The following SENP1 variants were observed in gnomAD, a reference collection of about 807,000 sequenced individuals.
SENP1 encodes sentrin-specific protease 1.
SENP1 carries 21 observed loss-of-function variants against 93.0 expected under a neutral mutation model. The ratio of observed to expected loss-of-function variants is 0.23; its 90% CI spans 0.16 to 0.33. The LOEUF (loss-of-function observed/expected upper bound fraction) is 0.33. SENP1 is among the 10% of genes least tolerant of loss of function. The pLI is 1.00. For synonymous variants in SENP1, 256 were observed against 259.6 expected, an observed-to-expected ratio of 0.99 and a Z score of 0.13; for missense variants, 591 against 758.7, an observed-to-expected ratio of 0.78 and a Z score of 2.60.
intron 4 of SENP1, among the ~76,000 whole-genome samples, chr12:48,094,783 T>C (rs1400774829): frequency 6.6e-6 from 1 of 152,180 alleles, no homozygotes; most frequent in Non-Finnish European, 1.5e-5. Context: ...AACTTTATTA[T>C]TAAGTAATTG....
chr12:48,044,309 A>G lies in SENP1; in HGVS notation c.*1013T>C, dbSNP rs564377885. 1 of 150,826 alleles carries G rather than the reference A, an allele frequency of 6.6e-6. No individual in the cohort carries two copies. The highest frequency in any genetic ancestry group is 2.4e-5 in the African/African-American group (1 of 41,032). The allele number at this position is 150,826 out of a possible 1,614,324, so 9.3% of individuals were successfully genotyped here. Reference sequence around the variant, plus strand: ...AATCTACAGGCTAAATGGTGAACACATTCAGTCTTTAAAAAAAAAAGCATA... The same window carrying G: ...AATCTACAGGCTAAATGGTGAACACGTTCAGTCTTTAAAAAAAAAAGCATA... On this transcript the variant is annotated 3_prime_UTR_variant, in exon 18 of 18. Coordinates refer to ENST00000549518, the MANE Select transcript of SENP1 (RefSeq NM_001267594.2).
chr12:48,089,327 A>T (rs1278998131), intron 4 of SENP1: 1 of 1,346,298 alleles, frequency 7.4e-7, no homozygotes, highest in Non-Finnish European at 9.8e-7. Context: ...GTAAGAAAGC[A>T]GGTGGGGGGC....
At chr12:48,072,362 A>G (rs1050249863) in intron 8 of SENP1, among the ~76,000 whole-genome samples, 2 of 152,194 alleles carry the variant, frequency 1.3e-5, no homozygotes, top group Non-Finnish European at 2.9e-5. Context: ...CCCAAAAGGC[A>G]AAAGTAATGA....
chr12:48,066,637 A>C (rs1231192681), intron 10 of SENP1, among the ~76,000 whole-genome samples: 2 of 151,316 alleles, frequency 1.3e-5, no homozygotes, highest in African/African-American at 4.9e-5. Flanking sequence ...TCAGCCTTCC[A>C]AGTAGCTAGG....
At chr12:48,064,922 C>G (rs1943193338) in intron 12 of SENP1, 143 bp downstream of exon 12, 1 of 594,700 alleles carries the variant, frequency 1.7e-6, no homozygotes, top group Admixed American at 3.0e-5. Flanking sequence ...AGTGATCCAC[C>G]CGCTTCAGTC....
At chr12:48,081,190 C>T (rs555011271) in intron 6 of SENP1, 1 of 152,318 alleles carries the variant, frequency 6.6e-6, no homozygotes, top group East Asian at 1.9e-4. Flanking sequence ...AGTCTCTCTG[C>T]ACCCCTTAGG....
rs147308100 is a variant in SENP1 at position 48,105,537 on chromosome 12, G to C, written c.-45+491C>G. The C allele has an allele frequency of 9.4e-5, 48 of 511,710 alleles. No individual in the cohort carries two copies. In the East Asian group the frequency reaches 2.2e-3, roughly 23 times the overall value. The allele number at this position is 511,710 out of a possible 1,614,324, so 31.7% of individuals were successfully genotyped here. A position where few individuals can be genotyped will look rare whatever the true frequency, so the allele number is the denominator to read the frequency against. On this transcript the variant is annotated intron_variant, in intron 1 of 17. Coordinates refer to ENST00000549518, the MANE Select transcript of SENP1 (RefSeq NM_001267594.2). ...CTCAGGGAGATACCACAGAGTAGGA[G>C]AGTTGGAGAAATGTTTACGTGAGAC...
intron 12 of SENP1, 83 bp from the exon 13 acceptor site, chr12:48,063,924 C>G: frequency 1.6e-6 from 2 of 1,239,320 alleles, no homozygotes; most frequent in Non-Finnish European, 2.3e-6. Flanking sequence ...ATATAATCCT[C>G]AGACTATATT....
intron 6 of SENP1, among the ~76,000 whole-genome samples, chr12:48,079,798 A>G (rs1944384898): frequency 6.6e-6 from 1 of 152,202 alleles, no homozygotes; most frequent in Non-Finnish European, 1.5e-5. Flanking sequence ...TTTTTTATAA[A>G]TTACCACCAA....
Position 48,045,193 on chromosome 12 carries a change from A to G in SENP1, c.*129T>C. 1.4e-6 allele frequency: 1 copy of G among 706,310 alleles called. No homozygotes were observed. The highest frequency in any genetic ancestry group is 2.3e-5 in the Admixed American group (1 of 43,330). The allele number at this position is 706,310 out of a possible 1,614,324, so 43.8% of individuals were successfully genotyped here. ...GATGTGCTTGTGAATGCATCTCGCC[A>G]GGGCCTGGTCCAGGATCAAGGGTGT... On this transcript the variant is annotated 3_prime_UTR_variant, in exon 18 of 18. Coordinates refer to ENST00000549518, the MANE Select transcript of SENP1 (RefSeq NM_001267594.2).
At position 48,098,234 on chromosome 12, in the gene SENP1, T is replaced by C. The variant is rs1209872157; in HGVS notation, c.5-110A>G. 4.6e-6 allele frequency: 5 copies of C among 1,098,174 alleles called. No homozygotes were observed. The Admixed American group carries it at 1.2e-4, about 27-fold the overall frequency. 68.0% of individuals were successfully genotyped at this position (1,098,174 alleles called of 1,614,324 possible). On this transcript the variant is annotated intron_variant, in intron 2 of 17. Transcript: ENST00000549518. ...ACAATTCCCACCCAGGCATGGTGTCTCATGCCTGTAATCCCAGCACTCTGA... is the reference window on the plus strand; with the variant it reads ...ACAATTCCCACCCAGGCATGGTGTCCCATGCCTGTAATCCCAGCACTCTGA...
intron 1 of SENP1, among the ~76,000 whole-genome samples, chr12:48,104,220 G>GAA (rs772256640): frequency 0.042 from 4,281 of 100,880 alleles, 174 homozygotes; most frequent in African/African-American, 0.076. Flanking sequence ...AAAAAAAGAA[G>GAA]AAAAAAATAT....
At chr12:48,083,796 GATA>G in intron 5 of SENP1, 34 bp from the exon 6 acceptor site, 1 of 1,464,284 alleles carries the variant, frequency 6.8e-7, no homozygotes, top group Non-Finnish European at 9.3e-7. Flanking sequence ...GATAAGAACA[GATA>G]ATAAGTAAAA....
At chr12:48,083,543 A>G in intron 6 of SENP1, 48 bp downstream of exon 6, 1 of 1,502,220 alleles carries the variant, frequency 6.7e-7, no homozygotes, top group Non-Finnish European at 9.2e-7. Context: ...GGCTCAATGT[A>G]GGGAAAGATC....
chr12:48,069,496 G>A (rs1033148466), intron 9 of SENP1, among the ~76,000 whole-genome samples: 5 of 152,126 alleles, frequency 3.3e-5, no homozygotes, highest in African/African-American at 7.2e-5. Flanking sequence ...GAAATCCTCC[G>A]TAAAGGAAAG....
chr12:48,101,550 T>A lies in SENP1; in HGVS notation c.-44-34A>T, dbSNP rs775775288. The stretch of plus-strand genomic sequence containing the variant: ...GAAGACACAAAACAGAAAAATTACA[T>A]ACTGAAACACCTACTTCACTTAATT... On this transcript the variant is annotated intron_variant, in intron 1 of 17. Coordinates refer to ENST00000549518, the MANE Select transcript of SENP1 (RefSeq NM_001267594.2). 1.3e-4 allele frequency: 150 copies of A among 1,111,498 alleles called. 1 individual carries two copies. The highest frequency in any genetic ancestry group is 1.7e-4 in the Non-Finnish European group (127 of 744,266). The allele number at this position is 1,111,498 out of a possible 1,614,324, so 68.9% of individuals were successfully genotyped here.
intron 1 of SENP1, among the ~76,000 whole-genome samples, chr12:48,103,399 C>T (rs1946087773): frequency 6.6e-6 from 1 of 152,196 alleles, no homozygotes; most frequent in Non-Finnish European, 1.5e-5. Context: ...TTAACACAAC[C>T]TCAAAGATTA....
At chr12:48,076,219 T>C (rs1345184100) in intron 6 of SENP1, among the ~76,000 whole-genome samples, 1 of 152,248 alleles carries the variant, frequency 6.6e-6, no homozygotes, top group Middle Eastern at 3.2e-3. Context: ...AAACATTATG[T>C]CAGTGTTAGC....
intron 1 of SENP1, chr12:48,105,314 A>T (rs910090690): frequency 3.9e-6 from 2 of 508,658 alleles, no homozygotes; most frequent in Non-Finnish European, 7.9e-6. Context: ...ATAAACAGAA[A>T]TCACCAAGCT....
Sources: allele counts gnomAD v4.1 joint callset (sites outside exome capture counted in the v4.1 genomes callset), GRCh38; gene constraint gnomAD v4.1.1; transcripts MANE v1.5; gene names NCBI Gene and HGNC (gene_info 2026-07-23, HGNC 2026-07-21).